The following TBC1D4 variants were observed in gnomAD, a reference collection of about 807,000 sequenced individuals.
TBC1D4 encodes TBC (Tre-2, BUB2, CDC16) domain-containing protein.
A neutral mutation model predicts 142.5 loss-of-function variants in TBC1D4; 121 were observed. That is an observed-to-expected ratio of 0.85 (90% CI 0.73 to 0.99). The LOEUF (loss-of-function observed/expected upper bound fraction) is 0.99. Ranked by LOEUF, TBC1D4 falls within the 50% of genes least tolerant of loss-of-function variation. The pLI is 0.00. For synonymous variants in TBC1D4, 630 were observed against 628.2 expected, an observed-to-expected ratio of 1.00 and a Z score of -0.04; for missense variants, 1,475 against 1,606.6, an observed-to-expected ratio of 0.92 and a Z score of 1.40.
At chr13:75,453,086 G>A (rs1887595417) in intron 1 of TBC1D4, among the ~76,000 whole-genome samples, 1 of 152,044 alleles carries the variant, frequency 6.6e-6, no homozygotes, top group East Asian at 1.9e-4. Context: ...CAGCTTCTGT[G>A]AGGTTTATTC....
At chr13:75,433,884 C>T (rs1470566701) in intron 1 of TBC1D4, among the ~76,000 whole-genome samples, 1 of 152,104 alleles carries the variant, frequency 6.6e-6, no homozygotes, top group South Asian at 2.1e-4. Flanking sequence ...AAAAGACATA[C>T]ATGTGGCCAA....
At chr13:75,310,838 T>A (rs1307037130) in intron 13 of TBC1D4, among the ~76,000 whole-genome samples, 1 of 152,178 alleles carries the variant, frequency 6.6e-6, no homozygotes, top group Non-Finnish European at 1.5e-5. Flanking sequence ...GTGTCTAATG[T>A]TCCCTTCTTT....
intron 10 of TBC1D4, 124 bp from the exon 11 acceptor site, chr13:75,324,525 C>T: frequency 8.9e-7 from 1 of 1,124,100 alleles, no homozygotes; most frequent in Non-Finnish European, 1.3e-6. Flanking sequence ...AGGCTCAGGG[C>T]TGGATCTTAC....
chr13:75,343,392 C>T (rs759127302), intron 5 of TBC1D4, among the ~76,000 whole-genome samples: 4 of 152,216 alleles, frequency 2.6e-5, no homozygotes, highest in Non-Finnish European at 4.4e-5. Context: ...TTTCCAAAAA[C>T]TCCACTCCAC....
At chr13:75,436,577 G>A (rs1219347588) in intron 1 of TBC1D4, among the ~76,000 whole-genome samples, 1 of 151,682 alleles carries the variant, frequency 6.6e-6, no homozygotes, top group African/African-American at 2.4e-5. Flanking sequence ...GATCACCTGA[G>A]CTCAAGGAGG....
intron 1 of TBC1D4, among the ~76,000 whole-genome samples, chr13:75,466,208 G>A (rs777245153): frequency 3.3e-5 from 5 of 152,122 alleles, no homozygotes; most frequent in Non-Finnish European, 7.4e-5. Context: ...AATAATAAGT[G>A]GTCTTTTCTC....
chr13:75,306,183 C>CT (rs1409623151), intron 15 of TBC1D4, 130 bp downstream of exon 15: 10 of 866,466 alleles, frequency 1.2e-5, no homozygotes, highest in South Asian at 9.1e-5. Flanking sequence ...AATTACTTCT[C>CT]TTTTTTTACT....
At chr13:75,390,624 C>T (rs901133873) in intron 1 of TBC1D4, among the ~76,000 whole-genome samples, 3 of 152,018 alleles carry the variant, frequency 2.0e-5, no homozygotes, top group Non-Finnish European at 4.4e-5. Context: ...GCCTTGCTAA[C>T]AGTAATTCCT....
At chr13:75,462,929 C>T (rs2138289876) in intron 1 of TBC1D4, among the ~76,000 whole-genome samples, 1 of 152,258 alleles carries the variant, frequency 6.6e-6, no homozygotes, top group African/African-American at 2.4e-5. Flanking sequence ...TATTATCTAG[C>T]TTCAGCAAAG....
chr13:75,343,350 T>C (rs1880873097), intron 5 of TBC1D4, among the ~76,000 whole-genome samples: 1 of 152,152 alleles, frequency 6.6e-6, no homozygotes, highest in Non-Finnish European at 1.5e-5. Context: ...TTTAAACCAC[T>C]GTGCAGTACT....
chr13:75,346,253 T>C (rs495520), intron 5 of TBC1D4, among the ~76,000 whole-genome samples: 69,121 of 151,872 alleles, frequency 0.46, 16,193 homozygotes, highest in East Asian at 0.67. Flanking sequence ...CCCATCAACC[T>C]GTCATCTACA....
chr13:75,472,662 G>GTTAGCTGTGC (rs1205957896), intron 1 of TBC1D4, among the ~76,000 whole-genome samples: 84 of 152,250 alleles, frequency 5.5e-4, no homozygotes, highest in African/African-American at 1.9e-3. Flanking sequence ...CAGCTTCCAT[G>GTTAGCTGTGC]ACTAGAAAGA....
intron 1 of TBC1D4, among the ~76,000 whole-genome samples, chr13:75,461,164 G>A (rs35267702): frequency 0.58 from 88,888 of 152,060 alleles, 26,223 homozygotes; most frequent in East Asian, 0.7. Context: ...CTATTCTGCT[G>A]TATATTTGGG....
At chr13:75,337,905 A>G (rs1880361154) in intron 7 of TBC1D4, among the ~76,000 whole-genome samples, 1 of 152,206 alleles carries the variant, frequency 6.6e-6, no homozygotes, top group Non-Finnish European at 1.5e-5. Flanking sequence ...ATTGCTTGCC[A>G]TTACTTTTAA....
At chr13:75,468,007 T>C (rs1214607643) in intron 1 of TBC1D4, among the ~76,000 whole-genome samples, 2 of 152,214 alleles carry the variant, frequency 1.3e-5, no homozygotes, top group Admixed American at 6.5e-5. Context: ...CTCCTCTCCA[T>C]TCATTCATTT....
rs905712760 is a variant in TBC1D4 at position 75,286,603 on chromosome 13, C to T, written c.*189G>A. On this transcript the variant is annotated 3_prime_UTR_variant, in exon 21 of 21. Transcript: ENST00000377636. ...CATAGCAACAACAAAAACCAGTCTA[C>T]ATATGTCCAATGGCTTAGGATTGGC... 31 of 618,300 alleles carry T rather than the reference C, an allele frequency of 5.0e-5. No homozygotes were observed. In the Admixed American group the frequency reaches 8.0e-4, roughly 16 times the overall value. 38.3% of individuals were successfully genotyped at this position (618,300 alleles called of 1,614,324 possible).
chr13:75,415,156 G>C (rs1217568082), intron 1 of TBC1D4, among the ~76,000 whole-genome samples: 7 of 151,644 alleles, frequency 4.6e-5, no homozygotes, highest in Non-Finnish European at 1.5e-5. Flanking sequence ...AGTATGAGGT[G>C]TGAGGATAGG....
rs947303183 is a variant in TBC1D4 at position 75,481,521 on chromosome 13, T to C, written c.247A>G (p.Ile83Val). 6 of 1,609,768 alleles carry C rather than the reference T, an allele frequency of 3.7e-6. No individual in the cohort carries two copies. The highest frequency in any genetic ancestry group is 5.1e-6 in the Non-Finnish European group (6 of 1,178,126). The part of the protein sequence containing the change: ...GCGAPAAREV[I>V]LVLSAPFLRC... Reference sequence around the variant, plus strand: ...AGGAAGGGCGCGCTGAGCACCAGGATCACCTCTCGGGCCGCCGGCGCCCCG... The same window carrying C: ...AGGAAGGGCGCGCTGAGCACCAGGACCACCTCTCGGGCCGCCGGCGCCCCG... Residue 83 changes from isoleucine to valine, a missense_variant, in exon 1 of 21, where the codon ATC becomes GTC. Around this residue, in one of 2 missense-constraint regions of TBC1D4, gnomAD observed 1,227 missense variants for 1,267.7 expected, o/e 0.97. Transcript: ENST00000377636.
intron 1 of TBC1D4, among the ~76,000 whole-genome samples, chr13:75,450,945 T>C (rs896585529): frequency 1.3e-5 from 2 of 152,164 alleles, no homozygotes; most frequent in African/African-American, 4.8e-5. Flanking sequence ...CTCCTATCAA[T>C]AGGAAGAGTC....
Sources: allele counts gnomAD v4.1 joint callset (sites outside exome capture counted in the v4.1 genomes callset), GRCh38; gene constraint gnomAD v4.1.1; regional missense constraint gnomAD v4.1.1; transcripts MANE v1.5; gene names NCBI Gene and HGNC (gene_info 2026-07-23, HGNC 2026-07-21).